Variants in CA10 observed in about 807,000 individuals in gnomAD.
CA10 encodes the protein carbonic anhydrase-related protein 10.
A neutral mutation model predicts 44.2 loss-of-function variants in CA10; 14 were observed. The ratio of observed to expected loss-of-function variants is 0.32; its 90% CI spans 0.21 to 0.50. CA10 has a LOEUF of 0.50. Among genes scored for constraint, CA10 ranks in the 20% least tolerant of loss-of-function variants. The pLI, the probability that CA10 is intolerant of heterozygous loss-of-function variation, is 0.99. For missense variants in CA10, 350 were observed against 409.7 expected (o/e 0.85, Z 1.26); for synonymous variants, 159 against 141.6 (o/e 1.12, Z -0.87).
chr17:52,130,268 A>T (rs1989205438), intron 1 of CA10, among the ~76,000 whole-genome samples: 1 of 152,220 alleles, frequency 6.6e-6, no homozygotes. Context: ...AATTTAAAAT[A>T]GTACTAACAT....
At chr17:51,756,956 C>G (rs573631210) in intron 3 of CA10, among the ~76,000 whole-genome samples, 1 of 152,268 alleles carries the variant, frequency 6.6e-6, no homozygotes, top group South Asian at 2.1e-4. Flanking sequence ...ATACCTGCCT[C>G]TCCTAGTGTT....
At chr17:51,651,682 G>C (rs1913572466) in intron 5 of CA10, among the ~76,000 whole-genome samples, 1 of 152,216 alleles carries the variant, frequency 6.6e-6, no homozygotes, top group South Asian at 2.1e-4. Context: ...TTTGTTGTTG[G>C]CTTCCCAGTG....
chr17:51,842,974 C>T (rs1978348403), intron 3 of CA10, among the ~76,000 whole-genome samples: 1 of 152,270 alleles, frequency 6.6e-6, no homozygotes, highest in African/African-American at 2.4e-5. Context: ...AAGTTATGTG[C>T]AAATGATAAG....
At chr17:51,849,185 A>ATATATATACATATATG (rs1567860297) in intron 3 of CA10, among the ~76,000 whole-genome samples, 33 of 54,502 alleles carry the variant, frequency 6.1e-4, no homozygotes, top group African/African-American at 4.2e-3. Flanking sequence ...ACATATATGT[A>ATATATATACATATATG]TATATATATA....
Position 52,158,053 on chromosome 17 carries a change from C to G in CA10, c.-267G>C. On this transcript the variant is annotated 5_prime_UTR_variant, in exon 1 of 9. Transcript: ENST00000451037. ...TGCCTCGCTGCCTTGGAGGTCTCCCCGCTCGCGTGTCTCTTCTCTTCGCAC... is the reference window on the plus strand; with the variant it reads ...TGCCTCGCTGCCTTGGAGGTCTCCCGGCTCGCGTGTCTCTTCTCTTCGCAC... 1 of 542,008 alleles carries G rather than the reference C, an allele frequency of 1.8e-6. No individual in the cohort carries two copies. The highest frequency in any genetic ancestry group is 3.3e-6 in the Non-Finnish European group (1 of 302,704). The allele number at this position is 542,008 out of a possible 1,614,324, so 33.6% of individuals were successfully genotyped here. A position where few individuals can be genotyped will look rare whatever the true frequency, so the allele number is the denominator to read the frequency against.
intron 2 of CA10, among the ~76,000 whole-genome samples, chr17:52,016,127 C>T (rs1985960759): frequency 1.3e-5 from 2 of 152,076 alleles, no homozygotes; most frequent in South Asian, 4.1e-4. Flanking sequence ...GATCTAAGAG[C>T]TTTGACAGGC....
At chr17:51,822,761 C>G (rs2053167874) in intron 3 of CA10, among the ~76,000 whole-genome samples, 2 of 152,104 alleles carry the variant, frequency 1.3e-5, no homozygotes, top group Non-Finnish European at 2.9e-5. Flanking sequence ...GAAATCTGCT[C>G]TAGGTTTTGA....
intron 5 of CA10, 146 bp downstream of exon 5, chr17:51,653,495 T>A (rs953718836): frequency 5.0e-6 from 3 of 601,264 alleles, no homozygotes; most frequent in Non-Finnish European, 8.9e-6. Context: ...TTCATAAATC[T>A]CATGTATATA....
chr17:51,894,548 T>C (rs1980991198), intron 3 of CA10, among the ~76,000 whole-genome samples: 1 of 152,130 alleles, frequency 6.6e-6, no homozygotes, highest in Non-Finnish European at 1.5e-5. Flanking sequence ...GGAGATACAA[T>C]TTTTTTCATG....
intron 2 of CA10, among the ~76,000 whole-genome samples, chr17:52,006,358 C>T (rs182318870): frequency 4.0e-4 from 61 of 151,888 alleles, no homozygotes; most frequent in Non-Finnish European, 6.8e-4. Context: ...TAAAATATCA[C>T]AATAAAAATT....
chr17:51,673,971 C>T (rs1410317123), intron 4 of CA10, among the ~76,000 whole-genome samples: 2 of 18,166 alleles, frequency 1.1e-4, no homozygotes, highest in Non-Finnish European at 2.3e-4. Flanking sequence ...AATGTCCTTC[C>T]CCCCCAGGTT....
At chr17:51,738,819 G>A (rs1210181997) in intron 4 of CA10, among the ~76,000 whole-genome samples, 3 of 152,096 alleles carry the variant, frequency 2.0e-5, no homozygotes, top group Non-Finnish European at 4.4e-5. Flanking sequence ...AAGGTTTTTT[G>A]AATCTTGGGA....
chr17:52,020,198 A>T (rs1000874023), intron 2 of CA10, among the ~76,000 whole-genome samples: 1 of 151,930 alleles, frequency 6.6e-6, no homozygotes, highest in African/African-American at 2.4e-5. Flanking sequence ...ACATTACCTC[A>T]TATTAAACAA....
intron 6 of CA10, among the ~76,000 whole-genome samples, chr17:51,638,217 A>G (rs1387875480): frequency 6.6e-6 from 1 of 152,178 alleles, no homozygotes; most frequent in East Asian, 1.9e-4. Context: ...ATATAAATAC[A>G]ATCACAATTT....
intron 3 of CA10, among the ~76,000 whole-genome samples, chr17:51,801,604 C>T (rs1283147023): frequency 1.3e-5 from 2 of 152,088 alleles, no homozygotes; most frequent in African/African-American, 4.8e-5. Context: ...CAGATACCTT[C>T]CTCAGAAACG....
At position 51,723,193 on chromosome 17, in the gene CA10, G is replaced by A. The variant is rs530932548; in HGVS notation, c.465+24440C>T. 2.0e-5 allele frequency among the ~76,000 whole-genome samples: 3 copies of A among 152,318 alleles called. No individual in the cohort carries two copies. The East Asian group carries it at 5.8e-4, about 29-fold the overall frequency. On this transcript the variant is annotated intron_variant, in intron 4 of 8. Coordinates refer to ENST00000451037, the MANE Select transcript of CA10 (RefSeq NM_020178.5). ...GAGCCCAAGGAAAGAAGAATGTGAG[G>A]GATGAGTCAATCCTGGGCATGTGCT...
intron 1 of CA10, among the ~76,000 whole-genome samples, chr17:52,152,729 G>A (rs542766324): frequency 7.2e-5 from 11 of 152,160 alleles, no homozygotes; most frequent in African/African-American, 2.6e-4. Context: ...TATATCTTAA[G>A]TATGGATCAT....
At chr17:52,088,764 C>G (rs1042854808) in intron 1 of CA10, among the ~76,000 whole-genome samples, 7 of 152,112 alleles carry the variant, frequency 4.6e-5, no homozygotes, top group Admixed American at 6.5e-5. Flanking sequence ...ATAAATGTTA[C>G]ATGCCAGCAT....
rs544615673 is a variant in CA10, at chr17:51,750,272, CATACTT to C, written c.280-2460_280-2455del. 1.4e-3 allele frequency among the ~76,000 whole-genome samples: 215 copies of C among 152,236 alleles called. 4 individuals are homozygous for C. In the South Asian group the frequency reaches 0.023, roughly 16 times the overall value. ...TTGGCATATATATAATTTTCACACT[CATACTT>C]ATAGACCCATAATTTAATGAGATTT... On this transcript the variant is annotated intron_variant, in intron 3 of 8. Coordinates refer to ENST00000451037, the MANE Select transcript of CA10 (RefSeq NM_020178.5).
Sources: gnomAD v4.1 joint callset for allele counts (sites outside exome capture counted in the v4.1 genomes callset) on GRCh38, gnomAD v4.1.1 for gene constraint, MANE v1.5 for transcripts, NCBI Gene and HGNC (gene_info 2026-07-23, HGNC 2026-07-21) for gene names.